The following KIF13A variants were observed in gnomAD, a reference collection of about 807,000 sequenced individuals.
KIF13A encodes kinesin family member 13A.
A neutral mutation model predicts 212.2 loss-of-function variants in KIF13A; 79 were observed. The observed-to-expected ratio is 0.37, with a 90% CI of 0.31 to 0.45. The LOEUF is 0.45. KIF13A is among the 20% of genes least tolerant of loss of function. KIF13A has a pLI of 1.00. For synonymous variants in KIF13A, 789 were observed against 808.6 expected, an observed-to-expected ratio of 0.98 and a Z score of 0.41; for missense variants, 1,901 against 2,209.0, an observed-to-expected ratio of 0.86 and a Z score of 2.79.
At chr6:17,767,932 C>T (rs1317440945) in intron 38 of KIF13A, among the ~76,000 whole-genome samples, 1 of 151,938 alleles carries the variant, frequency 6.6e-6, no homozygotes, top group Non-Finnish European at 1.5e-5. Flanking sequence ...CTACAAAGCC[C>T]CAAGAGATTA....
chr6:17,815,443 G>C (rs541113567), intron 17 of KIF13A: 1 of 166,958 alleles, frequency 6.0e-6, no homozygotes, highest in South Asian at 1.4e-4. Context: ...CCTTCCCCAG[G>C]CACTGACGCT....
rs779301395 is a variant in KIF13A at position 17,825,835 on chromosome 6, G to A, written c.1719C>T (p.Ser573=). 2 of 1,613,818 alleles carry A rather than the reference G, an allele frequency of 1.2e-6. No individual in the cohort carries two copies. The highest frequency in any genetic ancestry group is 1.3e-5 in the African/African-American group (1 of 74,914). Residue 573 remains serine, a synonymous_variant, in exon 16 of 39, where the codon TCC becomes TCT. Coordinates refer to ENST00000259711, the MANE Select transcript of KIF13A (RefSeq NM_022113.6). This position sits in a 1 kb window ranked among gnomAD's most constrained non-coding sequence, Gnocchi z 4.5. ...EHDLDAASEA[S]SEPDYNYEFA... Reference sequence around the variant, plus strand: ...ATTCATAGTTATAGTCTGGTTCAGAGGAAGCCTCACTGGCTGCATCCAGGT... The same window carrying A: ...ATTCATAGTTATAGTCTGGTTCAGAAGAAGCCTCACTGGCTGCATCCAGGT...
chr6:17,941,759 A>G (rs1776973470), intron 2 of KIF13A, among the ~76,000 whole-genome samples: 1 of 150,648 alleles, frequency 6.6e-6, no homozygotes, highest in East Asian at 2.0e-4. Flanking sequence ...GTACTATGCT[A>G]TGGTAACCCT....
At position 17,796,831 on chromosome 6, in the gene KIF13A, T is replaced by TG; in HGVS notation, c.2791-12dup. On this transcript the variant is annotated splice_polypyrimidine_tract_variant and intron_variant, in intron 22 of 38. Transcript: ENST00000259711. ...ATTCACCACATAGTCCTGGGATAAG[T>TG]GGGGGAAAGCAAAAGAATTATGCTT... The TG allele has an allele frequency of 6.8e-7, 1 of 1,474,694 alleles. No individual in the cohort carries two copies. Among genetic ancestry groups the TG allele is most frequent in the Non-Finnish European group, 9.1e-7 (1 of 1,104,870 alleles). 91.4% of individuals were successfully genotyped at this position (1,474,694 alleles called of 1,614,324 possible). A position where few individuals can be genotyped will look rare whatever the true frequency, so the allele number is the denominator to read the frequency against.
At chr6:17,865,760 G>A (rs561444475) in intron 4 of KIF13A, among the ~76,000 whole-genome samples, 6 of 152,148 alleles carry the variant, frequency 3.9e-5, no homozygotes, top group Non-Finnish European at 8.8e-5. Context: ...CCATTGAGGT[G>A]CCTGGTAAGA....
chr6:17,877,667 CTTTTT>C (rs1395539897), intron 3 of KIF13A, among the ~76,000 whole-genome samples: 1 of 151,808 alleles, frequency 6.6e-6, no homozygotes, highest in African/African-American at 2.4e-5. Context: ...CTTTTCTTTT[CTTTTT>C]GTTTTTTTTG....
At position 17,987,298 on chromosome 6, in the gene KIF13A, GC is replaced by G; in HGVS notation, c.55+110del. 1.1e-6 allele frequency: 1 copy of G among 898,604 alleles called. No individual in the cohort carries two copies. The highest frequency in any genetic ancestry group is 1.4e-6 in the Non-Finnish European group (1 of 695,334). The allele number at this position is 898,604 out of a possible 1,614,324, so 55.7% of individuals were successfully genotyped here. A position where few individuals can be genotyped will look rare whatever the true frequency, so the allele number is the denominator to read the frequency against. On this transcript the variant is annotated intron_variant, in intron 1 of 38. Transcript: ENST00000259711. The surrounding 1 kb of genome is among the most constrained non-coding windows in gnomAD (Gnocchi z 7.7). ...CACGGCCAGCGCGGACGCCGCCTCC[GC>G]CCCGGCCCCCCGGCCCCGGCCGCGC...
intron 2 of KIF13A, among the ~76,000 whole-genome samples, chr6:17,942,392 C>G (rs1305697975): frequency 6.6e-6 from 1 of 151,148 alleles, no homozygotes; most frequent in Non-Finnish European, 1.5e-5. Context: ...TTTGCCACAC[C>G]AGAACAATCT....
chr6:17,940,179 C>G (rs1045617259), intron 2 of KIF13A, among the ~76,000 whole-genome samples: 2 of 151,836 alleles, frequency 1.3e-5, no homozygotes, highest in Non-Finnish European at 2.9e-5. Context: ...CCTCCTCCTC[C>G]TCCTTTTTCC....
At chr6:17,939,114 C>G (rs925079770) in intron 2 of KIF13A, among the ~76,000 whole-genome samples, 6 of 152,198 alleles carry the variant, frequency 3.9e-5, no homozygotes, top group Admixed American at 1.3e-4. Flanking sequence ...CAGAAAAACT[C>G]TAAGGCACTT....
rs917695527 is a variant in KIF13A at position 17,961,632 on chromosome 6, C to G, written c.146+25422G>C. On this transcript the variant is annotated intron_variant, in intron 2 of 38. Coordinates refer to ENST00000259711, the MANE Select transcript of KIF13A (RefSeq NM_022113.6). This position sits in a 1 kb window ranked among gnomAD's most constrained non-coding sequence, Gnocchi z 4.1. ...GGACAGAAAGATCCTTCACCCAGGG[C>G]TTAGTAAATAGAATAGCTATGTTCT... 1.3e-5 allele frequency among the ~76,000 whole-genome samples: 2 copies of G among 152,154 alleles called. No individual in the cohort carries two copies. Among genetic ancestry groups the G allele is most frequent in the Non-Finnish European group, 1.5e-5 (1 of 68,024 alleles).
At chr6:17,986,967 G>A in intron 2 of KIF13A, 87 bp downstream of exon 2, 1 of 943,708 alleles carries the variant, frequency 1.1e-6, no homozygotes, top group South Asian at 1.4e-5. Flanking sequence ...CTAACAATAG[G>A]AAAGAGCACT....
Position 17,805,607 on chromosome 6 carries a change from T to G in KIF13A, c.2172A>C (p.Ala724=). The part of the protein sequence containing the change: ...ANLSANRKRG[A]IVSEPAIQVR... ...CTTGGATAGCTGGTTCACTCACTATTGCACCTCTCTGCATAAGGAAGAAAA... is the reference window on the plus strand; with the variant it reads ...CTTGGATAGCTGGTTCACTCACTATGGCACCTCTCTGCATAAGGAAGAAAA... Residue 724 remains alanine (A), a synonymous_variant, in exon 19 of 39, where the codon GCA becomes GCC. Transcript: ENST00000259711. The G allele has an allele frequency of 1.2e-6, 2 of 1,603,666 alleles. No homozygotes were observed. The highest frequency in any genetic ancestry group is 8.5e-7 in the Non-Finnish European group (1 of 1,174,136).
chr6:17,983,800 G>A (rs1167446579), intron 2 of KIF13A, among the ~76,000 whole-genome samples: 3 of 152,082 alleles, frequency 2.0e-5, no homozygotes, highest in African/African-American at 7.2e-5. Context: ...GAACTACCTT[G>A]CTTCTGAATG....
Position 17,919,467 on chromosome 6 carries a change from T to C in KIF13A, c.147-21287A>G, listed in dbSNP as rs866294419. 2.9e-4 allele frequency among the ~76,000 whole-genome samples: 44 copies of C among 152,194 alleles called. No individual in the cohort carries two copies. The highest frequency in any genetic ancestry group is 1.0e-3 in the African/African-American group (43 of 41,436). On this transcript the variant is annotated intron_variant, in intron 2 of 38. Transcript: ENST00000259711. The surrounding 1 kb of genome is among the most constrained non-coding windows in gnomAD (Gnocchi z 4.1). ...AAATTTCCAAAGGGCTCATCTAAGT[T>C]TCACATGGTGCTGAGAATAGTAATC...
intron 3 of KIF13A, among the ~76,000 whole-genome samples, chr6:17,896,258 T>A (rs1772554718): frequency 1.0e-5 from 1 of 96,258 alleles, no homozygotes; most frequent in Admixed American, 1.5e-4. Context: ...CCCACCCCCA[T>A]TAGAATGCTA....
In KIF13A at chr6:17,794,179, C is replaced by A; in HGVS notation, c.3222+70G>T. The A allele has an allele frequency of 1.6e-6, 2 of 1,241,856 alleles. No homozygotes were observed. Among genetic ancestry groups the A allele is most frequent in the Non-Finnish European group, 2.3e-6 (2 of 879,706 alleles). The allele number at this position is 1,241,856 out of a possible 1,614,324, so 76.9% of individuals were successfully genotyped here. A position where few individuals can be genotyped will look rare whatever the true frequency, so the allele number is the denominator to read the frequency against. ...AAGGCAAAGAGTTCTGTTATATTGG[C>A]AAAGAGGTCCCCCTGGGACCTGCAT... On this transcript the variant is annotated intron_variant, in intron 25 of 38. Transcript: ENST00000259711. This position sits in a 1 kb window ranked among gnomAD's most constrained non-coding sequence, Gnocchi z 4.1.
chr6:17,907,392 G>C (rs1202337364), intron 2 of KIF13A, among the ~76,000 whole-genome samples: 1 of 152,142 alleles, frequency 6.6e-6, no homozygotes, highest in Non-Finnish European at 1.5e-5. Context: ...GCTAGGTATT[G>C]ATTGGATAGC....
intron 3 of KIF13A, among the ~76,000 whole-genome samples, chr6:17,884,264 C>A (rs1170349114): frequency 6.6e-6 from 1 of 152,220 alleles, no homozygotes; most frequent in African/African-American, 2.4e-5. Flanking sequence ...GGAATACCTA[C>A]TAAGATAATG....
Sources: allele counts gnomAD v4.1 joint callset (sites outside exome capture counted in the v4.1 genomes callset), GRCh38; gene constraint gnomAD v4.1.1; non-coding constraint Gnocchi (gnomAD v3.1); transcripts MANE v1.5; gene names NCBI Gene and HGNC (gene_info 2026-07-23, HGNC 2026-07-21).